Variants in MARCHF1 observed in about 807,000 individuals in gnomAD.
MARCHF1 encodes the protein E3 ubiquitin-protein ligase MARCHF1.
Under a neutral mutation model 54.2 loss-of-function variants are expected in MARCHF1, and 40 were observed. The observed-to-expected ratio is 0.74, with a 90% confidence interval of 0.57 to 0.96. The LOEUF is 0.96. Among genes scored for constraint, MARCHF1 ranks in the 40% least tolerant of loss-of-function variants. The pLI is 0.00. For missense variants in MARCHF1, 586 were observed against 656.5 expected, an observed-to-expected ratio of 0.89 and a Z score of 1.17; for synonymous variants, 236 against 236.3, an observed-to-expected ratio of 1.00 and a Z score of 0.01.
chr4:164,100,172 T>C (rs1221328454), intron 2 of MARCHF1, among the ~76,000 whole-genome samples: 1 of 152,190 alleles, frequency 6.6e-6, no homozygotes, highest in Non-Finnish European at 1.5e-5. Context: ...ATAATGAAAC[T>C]TTCACAACTA....
At chr4:163,897,974 T>C (rs1024577506) in intron 3 of MARCHF1, among the ~76,000 whole-genome samples, 11 of 138,694 alleles carry the variant, frequency 7.9e-5, no homozygotes, top group South Asian at 4.5e-4. Context: ...GGTGGGAGAA[T>C]GGCACGAACC....
rs753850371 is a variant in MARCHF1 at position 163,529,063 on chromosome 4, A to G, written c.1340-17T>C. On this transcript the variant is annotated splice_polypyrimidine_tract_variant and intron_variant, in intron 9 of 9. Transcript: ENST00000514618. ...CAAGGACACCTTTGAAATGAAAAAG[A>G]GAAAATGTTATCACCAAGTTGTCCT... 1.3e-6 allele frequency: 2 copies of G among 1,577,958 alleles called. No individual in the cohort carries two copies. Among genetic ancestry groups the G allele is most frequent in the Admixed American group, 3.6e-5 (2 of 55,588 alleles).
chr4:163,631,409 T>C (rs1013527282), intron 5 of MARCHF1, among the ~76,000 whole-genome samples: 1 of 152,136 alleles, frequency 6.6e-6, no homozygotes. Context: ...GCCAGGCTGG[T>C]CTTGAATTCC....
chr4:164,318,768 C>A (rs767584378), intron 1 of MARCHF1, among the ~76,000 whole-genome samples: 1 of 152,038 alleles, frequency 6.6e-6, no homozygotes, highest in African/African-American at 2.4e-5. Context: ...GTTCATCAAC[C>A]CTGACCTGGA....
intron 2 of MARCHF1, among the ~76,000 whole-genome samples, chr4:164,015,867 T>C (rs1753528374): frequency 6.7e-6 from 1 of 148,668 alleles, no homozygotes; most frequent in South Asian, 2.1e-4. Flanking sequence ...GTTACCAACA[T>C]ACAGCAACTA....
At chr4:163,811,249 G>C (rs1330123770) in intron 4 of MARCHF1, among the ~76,000 whole-genome samples, 2 of 51,394 alleles carry the variant, frequency 3.9e-5, no homozygotes, top group Admixed American at 4.1e-4. Context: ...AAGATTTTTA[G>C]TGGCACTAAA....
At chr4:164,013,912 C>T (rs1215736263) in intron 2 of MARCHF1, among the ~76,000 whole-genome samples, 14 of 152,056 alleles carry the variant, frequency 9.2e-5, no homozygotes, top group Admixed American at 9.2e-4. Flanking sequence ...CACCTGTAAT[C>T]CCAGCACTTT....
chr4:163,987,330 C>A (rs1283749685), intron 3 of MARCHF1, among the ~76,000 whole-genome samples: 1 of 152,150 alleles, frequency 6.6e-6, no homozygotes, highest in Non-Finnish European at 1.5e-5. Context: ...AGAAATCTCC[C>A]AAAGTTATCT....
chr4:164,282,408 C>A (rs1481733878), intron 1 of MARCHF1, among the ~76,000 whole-genome samples: 2 of 150,874 alleles, frequency 1.3e-5, no homozygotes, highest in Non-Finnish European at 2.9e-5. Context: ...CCTCAGCCAC[C>A]CACTGGCATG....
intron 1 of MARCHF1, among the ~76,000 whole-genome samples, chr4:164,224,339 G>A (rs1438159026): frequency 6.6e-6 from 1 of 151,448 alleles, no homozygotes; most frequent in Non-Finnish European, 1.5e-5. Flanking sequence ...ATGTGGCCAA[G>A]GGAAGCCAAA....
Position 163,749,590 on chromosome 4 carries a change from A to C in MARCHF1, c.112-48727T>G, listed in dbSNP as rs116388393. On this transcript the variant is annotated intron_variant, in intron 4 of 9. Transcript: ENST00000514618. ...AGATGGTCTTTATCAAATTGGGGGA[A>C]TATCTCTTTTCTATTCCTAGTTTGC... 7.6e-3 allele frequency among the ~76,000 whole-genome samples: 1,151 copies of C among 152,228 alleles called. 8 individuals carry two copies. Among genetic ancestry groups the C allele is most frequent in the South Asian group, 0.022 (104 of 4,824 alleles).
At chr4:163,978,621 A>T (rs958852331) in intron 3 of MARCHF1, among the ~76,000 whole-genome samples, 1 of 152,192 alleles carries the variant, frequency 6.6e-6, no homozygotes, top group African/African-American at 2.4e-5. Flanking sequence ...CTTCTTCCAG[A>T]TACATGCTTT....
intron 4 of MARCHF1, among the ~76,000 whole-genome samples, chr4:163,750,521 T>TAAATAAATA (rs1554010359): frequency 1.4e-5 from 1 of 69,246 alleles, no homozygotes; most frequent in African/African-American, 3.8e-5. Context: ...AAAAAATAAA[T>TAAATAAATA]AAATAAATAA....
chr4:164,237,141 T>C (rs1051626015), intron 1 of MARCHF1, among the ~76,000 whole-genome samples: 2 of 152,184 alleles, frequency 1.3e-5, no homozygotes, highest in Admixed American at 6.5e-5. Flanking sequence ...TCTGTTTTAT[T>C]TGGAAATCTT....
chr4:163,625,225 A>AC (rs1291936656), intron 5 of MARCHF1, among the ~76,000 whole-genome samples: 1 of 152,080 alleles, frequency 6.6e-6, no homozygotes, highest in Non-Finnish European at 1.5e-5. Flanking sequence ...CTTTATGTAC[A>AC]CCCATTTTTC....
intron 2 of MARCHF1, among the ~76,000 whole-genome samples, chr4:164,101,638 G>A (rs1469735699): frequency 2.4e-5 from 3 of 127,646 alleles, no homozygotes; most frequent in African/African-American, 5.7e-5. Flanking sequence ...AAGACCAAAA[G>A]TAGATAAAAC....
At chr4:163,918,936 G>A (rs1353205168) in intron 3 of MARCHF1, among the ~76,000 whole-genome samples, 1 of 152,034 alleles carries the variant, frequency 6.6e-6, no homozygotes. Context: ...TTTTCCTCCT[G>A]TCGCCTGAAT....
intron 1 of MARCHF1, among the ~76,000 whole-genome samples, chr4:164,331,223 A>C (rs901644024): frequency 5.9e-5 from 9 of 152,188 alleles, no homozygotes; most frequent in African/African-American, 2.2e-4. Flanking sequence ...GACAGAGGAA[A>C]TAGAAAAGTA....
At chr4:163,944,988 T>C (rs1297614477) in intron 3 of MARCHF1, among the ~76,000 whole-genome samples, 1 of 152,188 alleles carries the variant, frequency 6.6e-6, no homozygotes, top group African/African-American at 2.4e-5. Context: ...TCAATCTCCA[T>C]ACATCAGCTA....
Sources: gnomAD v4.1 joint callset for allele counts (sites outside exome capture counted in the v4.1 genomes callset) on GRCh38, gnomAD v4.1.1 for gene constraint, MANE v1.5 for transcripts, NCBI Gene and HGNC (gene_info 2026-07-23, HGNC 2026-07-21) for gene names.